Variants in ADAMTS12 observed in about 807,000 individuals in gnomAD.
ADAMTS12 encodes A disintegrin and metalloproteinase with thrombospondin motifs 12.
ADAMTS12 carries 118 observed loss-of-function variants against 167.8 expected under a neutral mutation model. The observed-to-expected ratio is 0.70, with a 90% confidence interval of 0.61 to 0.82. ADAMTS12 has a LOEUF of 0.82. ADAMTS12 is among the 40% of genes least tolerant of loss of function. The pLI is 0.00. For synonymous variants in ADAMTS12, 704 were observed against 716.9 expected (o/e 0.98, Z 0.29); for missense variants, 1,916 against 1,998.8 (o/e 0.96, Z 0.79).
chr5:33,813,807 C>T (rs1348551196), intron 2 of ADAMTS12, among the ~76,000 whole-genome samples: 2 of 152,246 alleles, frequency 1.3e-5, no homozygotes, highest in African/African-American at 4.8e-5. Context: ...GCCACCTCAT[C>T]TGATGCCATG....
At chr5:33,581,155 A>T (rs905795272) in intron 18 of ADAMTS12, among the ~76,000 whole-genome samples, 10 of 152,218 alleles carry the variant, frequency 6.6e-5, no homozygotes, top group Non-Finnish European at 1.0e-4. Flanking sequence ...TTATCTCCTT[A>T]GGAGCTGTCA....
At chr5:33,708,609 T>C (rs992740162) in intron 3 of ADAMTS12, among the ~76,000 whole-genome samples, 5 of 152,180 alleles carry the variant, frequency 3.3e-5, no homozygotes, top group Non-Finnish European at 5.9e-5. Context: ...TGGAATACTA[T>C]GCAGCCATAA....
intron 10 of ADAMTS12, 50 bp from the exon 11 acceptor site, chr5:33,642,005 C>A: frequency 6.5e-7 from 1 of 1,536,824 alleles, no homozygotes. Context: ...GTTACCAGAG[C>A]AAGCTGAGCC....
intron 18 of ADAMTS12, among the ~76,000 whole-genome samples, chr5:33,586,164 C>T (rs897564157): frequency 1.3e-5 from 2 of 152,102 alleles, no homozygotes; most frequent in Non-Finnish European, 2.9e-5. Flanking sequence ...GGTCTCCAGA[C>T]AAAATCTAGA....
chr5:33,871,034 T>C (rs112202621), intron 2 of ADAMTS12, among the ~76,000 whole-genome samples: 2 of 151,956 alleles, frequency 1.3e-5, no homozygotes, highest in East Asian at 1.9e-4. Flanking sequence ...GAAAGTAAAA[T>C]TTCCCCCCAA....
intron 6 of ADAMTS12, among the ~76,000 whole-genome samples, chr5:33,660,624 C>T (rs183172913): frequency 3.3e-5 from 5 of 152,270 alleles, no homozygotes; most frequent in Admixed American, 3.3e-4. Flanking sequence ...GGGTTCTTCC[C>T]TACAGAAGTT....
intron 13 of ADAMTS12, among the ~76,000 whole-genome samples, chr5:33,627,370 TTGATGG>T (rs1376066893): frequency 8.3e-6 from 1 of 120,342 alleles, no homozygotes; most frequent in Non-Finnish European, 1.7e-5. Flanking sequence ...GGTGGTGGTG[TTGATGG>T]TGGTGGTGGG....
chr5:33,632,371 C>A (rs894077516), intron 12 of ADAMTS12, among the ~76,000 whole-genome samples: 1 of 112,994 alleles, frequency 8.9e-6, no homozygotes, highest in Non-Finnish European at 2.1e-5. Context: ...AGGTAACAAA[C>A]AAGCACATGT....
intron 6 of ADAMTS12, among the ~76,000 whole-genome samples, chr5:33,660,304 A>G (rs1274860399): frequency 1.3e-5 from 2 of 152,200 alleles, no homozygotes; most frequent in East Asian, 1.9e-4. Flanking sequence ...TTAAGTCCCA[A>G]TTGTACCCGT....
At chr5:33,846,908 G>A (rs1051303599) in intron 2 of ADAMTS12, among the ~76,000 whole-genome samples, 6 of 152,192 alleles carry the variant, frequency 3.9e-5, no homozygotes, top group African/African-American at 1.4e-4. Flanking sequence ...GCTTCCCCAA[G>A]ATGTAGCAAT....
chr5:33,684,100 C>T (rs1362553289), intron 3 of ADAMTS12, 45 bp from the exon 4 acceptor site: 2 of 1,289,464 alleles, frequency 1.6e-6, no homozygotes, highest in Non-Finnish European at 2.0e-6. Context: ...GTATATGTCT[C>T]ATATATTATC....
At chr5:33,842,850 A>G (rs1354506867) in intron 2 of ADAMTS12, among the ~76,000 whole-genome samples, 1 of 152,204 alleles carries the variant, frequency 6.6e-6, no homozygotes, top group Non-Finnish European at 1.5e-5. Context: ...AAAAACTACA[A>G]AAGACAGAGC....
In ADAMTS12 at chr5:33,546,153, G is replaced by C. The variant is rs1468000976; in HGVS notation, c.4352C>G (p.Pro1451Arg). The change falls in exon 22 of 24, where the codon CCA (proline) becomes CGA (arginine). Residue 1451 changes from proline to arginine, a missense_variant. Physicochemically the swap from Pro to Arg is moderately radical, Grantham distance 103. Coordinates refer to ENST00000504830, the MANE Select transcript of ADAMTS12 (RefSeq NM_030955.4). ...GGVQERGVFC[P>R]GGLCDWTKRP... ...TTTTGTCCAATCACAGAGGCCTCCT[G>C]GACAGAACACTCCTCTCTCCTGAAC... The C allele has an allele frequency of 1.9e-6, 3 of 1,613,768 alleles. No homozygotes were observed. The highest frequency in any genetic ancestry group is 2.5e-6 in the Non-Finnish European group (3 of 1,179,962).
Position 33,576,474 on chromosome 5 carries a change from T to C in ADAMTS12, c.3552A>G (p.Gly1184=). ...CTGTACTTTCCACTGGAGCGTCATT[T>C]CCAGGTACTCTGATCTTGGTCCATA... ...PVIWTKIRVP[G]NDAPVESTEM... The change falls in exon 19 of 24, where the codon GGA becomes GGG. Residue 1184 remains glycine (G), a synonymous_variant. Coordinates refer to ENST00000504830, the MANE Select transcript of ADAMTS12 (RefSeq NM_030955.4). The C allele has an allele frequency of 6.2e-7, 1 of 1,608,576 alleles. No individual in the cohort carries two copies. Among genetic ancestry groups the C allele is most frequent in the Non-Finnish European group, 8.5e-7 (1 of 1,177,294 alleles).
rs577499435 is a variant in ADAMTS12, at chr5:33,637,580, G to C, written c.1885C>G (p.Pro629Ala). Reference protein sequence around the residue: ...ELYHWFPIFNPAHPCELYCRP... With the variant: ...ELYHWFPIFNAAHPCELYCRP... ...ATACACCATTACAGCTCCTTACCTG[G>C]GTTAAAAATGGGAAACCAGTGGTAG... The change falls in exon 12 of 24, where the codon CCA becomes GCA. Residue 629 changes from proline to alanine, a missense_variant. Physicochemically the swap from Pro to Ala is conservative, Grantham distance 27. Transcript: ENST00000504830. 1.9e-6 allele frequency: 3 copies of C among 1,612,582 alleles called. No homozygotes were observed. In the Admixed American group the frequency reaches 5.0e-5, roughly 27 times the overall value.
intron 9 of ADAMTS12, among the ~76,000 whole-genome samples, chr5:33,648,291 G>A (rs543478482): frequency 1.4e-4 from 21 of 152,334 alleles, no homozygotes; most frequent in African/African-American, 5.1e-4. Context: ...AATTACGATA[G>A]CAAGGAAAGA....
chr5:33,610,392 CA>C (rs980797730), intron 16 of ADAMTS12, among the ~76,000 whole-genome samples: 2 of 152,168 alleles, frequency 1.3e-5, no homozygotes, highest in African/African-American at 4.8e-5. Context: ...ACCAGTTTCA[CA>C]AACATAGAAT....
intron 6 of ADAMTS12, among the ~76,000 whole-genome samples, chr5:33,659,322 C>T (rs1254820991): frequency 2.0e-5 from 3 of 152,196 alleles, no homozygotes; most frequent in African/African-American, 7.2e-5. Flanking sequence ...GCAGCAGTTA[C>T]TGGGGGTTCA....
At chr5:33,711,225 C>G (rs979477581) in intron 3 of ADAMTS12, among the ~76,000 whole-genome samples, 1 of 152,094 alleles carries the variant, frequency 6.6e-6, no homozygotes, top group Non-Finnish European at 1.5e-5. Context: ...AATCTCCTCT[C>G]CTCTTCCAGC....
Sources: allele counts gnomAD v4.1 joint callset (sites outside exome capture counted in the v4.1 genomes callset), GRCh38; gene constraint gnomAD v4.1.1; transcripts MANE v1.5; gene names NCBI Gene and HGNC (gene_info 2026-07-23, HGNC 2026-07-21).